Variants in SAMD13 observed in about 807,000 individuals in gnomAD.
The protein encoded by SAMD13 is sterile alpha motif domain-containing protein 13.
SAMD13 carries 9 observed loss-of-function variants against 12.4 expected under a neutral mutation model. The observed-to-expected ratio is 0.72, with a 90% confidence interval of 0.44 to 1.26. The LOEUF (loss-of-function observed/expected upper bound fraction) is 1.26. SAMD13 is among the 50% of genes most tolerant of loss of function. The probability of loss-of-function intolerance (pLI) is 0.00; values close to 1 mark genes in which losing one functional copy is unlikely to be tolerated. For synonymous variants in SAMD13, 46 were observed against 45.4 expected (o/e 1.01, Z -0.05); for missense variants, 84 against 119.6 (o/e 0.70, Z 1.39).
chr1:84,303,055 C>A, intron 1 of SAMD13, 148 bp from the exon 2 acceptor site: 1 of 603,800 alleles, frequency 1.7e-6, no homozygotes, highest in Non-Finnish European at 2.9e-6. Flanking sequence ...TCACATCTCT[C>A]CAATCGCCGA....
At chr1:84,316,262 G>A (rs1235400445) in intron 2 of SAMD13, among the ~76,000 whole-genome samples, 2 of 27,618 alleles carry the variant, frequency 7.2e-5, no homozygotes, top group South Asian at 1.3e-3. Context: ...TGTTGCCTAT[G>A]CTTTTTGGTG....
chr1:84,315,787 C>G (rs1287953921), intron 2 of SAMD13, among the ~76,000 whole-genome samples: 1 of 152,112 alleles, frequency 6.6e-6, no homozygotes, highest in African/African-American at 2.4e-5. Context: ...CTTGAGGAAT[C>G]TACAGTTCCA....
At chr1:84,309,087 A>G (rs1678648993) in intron 2 of SAMD13, among the ~76,000 whole-genome samples, 1 of 152,230 alleles carries the variant, frequency 6.6e-6, no homozygotes. Context: ...AACAGCAGTG[A>G]TAAACTATAT....
At chr1:84,317,107 A>G (rs780717693) in intron 2 of SAMD13, among the ~76,000 whole-genome samples, 20 of 151,922 alleles carry the variant, frequency 1.3e-4, no homozygotes, top group Admixed American at 2.0e-4. Flanking sequence ...TTTTTGTGGA[A>G]TCTTTAGGGT....
At position 84,349,899 on chromosome 1, in the gene SAMD13, GTTATCCTATTGGATAGACTAGGCAA is replaced by G; in HGVS notation, c.*128_*152del. 7.0e-7 allele frequency: 1 copy of G among 1,431,506 alleles called. No individual in the cohort carries two copies. Among genetic ancestry groups the G allele is most frequent in the Non-Finnish European group, 9.1e-7 (1 of 1,094,842 alleles). 88.7% of individuals were successfully genotyped at this position (1,431,506 alleles called of 1,614,324 possible). ...GTAAAGAATTTCAATCAAATGAAAC[GTTATCCTATTGGATAGACTAGGCAA>G]TTCATCAGCTCACCTGAAATCAGCC... On this transcript the variant is annotated 3_prime_UTR_variant, in exon 4 of 4. Coordinates refer to ENST00000394834, the MANE Select transcript of SAMD13 (RefSeq NM_001134663.2).
chr1:84,319,473 A>G (rs1196797894), intron 2 of SAMD13, among the ~76,000 whole-genome samples: 1 of 151,934 alleles, frequency 6.6e-6, no homozygotes, highest in African/African-American at 2.4e-5. Context: ...AATACAAAAA[A>G]TACAAAAAAT....
upstream of SAMD13, chr1:84,298,598 G>A: frequency 7.8e-7 from 1 of 1,282,698 alleles, no homozygotes; most frequent in African/African-American, 1.5e-5. Flanking sequence ...CCCAGGGCGT[G>A]GGAAGGCGCC....
chr1:84,301,219 T>C (rs563223207), upstream of SAMD13, among the ~76,000 whole-genome samples: 3 of 152,342 alleles, frequency 2.0e-5, no homozygotes, highest in South Asian at 6.2e-4. Context: ...AAGAGATTAC[T>C]TAAAAGCCAG....
In SAMD13 at chr1:84,330,519, A is replaced by G. The variant is rs1418445444; in HGVS notation, c.165+4771A>G. On this transcript the variant is annotated intron_variant, in intron 3 of 3. Coordinates refer to ENST00000394834, the MANE Select transcript of SAMD13 (RefSeq NM_001134663.2). Reference sequence around the variant, plus strand: ...CATCCTTCCCTTCCTCACAGAGAACATTTAGGATAAAGTTTGCTTTGTCAG... The same window carrying G: ...CATCCTTCCCTTCCTCACAGAGAACGTTTAGGATAAAGTTTGCTTTGTCAG... Among the ~76,000 whole-genome samples the G allele has an allele frequency of 3.9e-5, 6 of 152,294 alleles. No homozygotes were observed. The East Asian group carries it at 1.2e-3, about 29-fold the overall frequency.
chr1:84,349,689 A>T lies in SAMD13; in HGVS notation c.224A>T (p.Gln75Leu). The change falls in exon 4 of 4, where the codon CAG becomes CTG. Residue 75 changes from glutamine (Q) to leucine (L), a missense_variant. Physicochemically the swap from Gln to Leu is moderately radical, Grantham distance 113. Transcript: ENST00000394834. ...MTRNDVLTGL[Q>L]LKLGPALKIY... ...AGAAATGATGTGTTGACAGGACTTC[A>T]GTTAAAATTGGGGCCTGCTCTGAAA... is the stretch of plus-strand genomic sequence containing the variant. 2 of 1,613,954 alleles carry T rather than the reference A, an allele frequency of 1.2e-6. No homozygotes were observed. Among genetic ancestry groups the T allele is most frequent in the East Asian group, 4.5e-5 (2 of 44,858 alleles).
intron 2 of SAMD13, among the ~76,000 whole-genome samples, chr1:84,320,761 T>C (rs1483529417): frequency 6.6e-6 from 1 of 152,138 alleles, no homozygotes; most frequent in East Asian, 1.9e-4. Flanking sequence ...ATTAGCCTTA[T>C]AAAAAAAGTA....
chr1:84,346,537 T>G (rs1027440521), intron 3 of SAMD13, among the ~76,000 whole-genome samples: 14 of 152,338 alleles, frequency 9.2e-5, no homozygotes, highest in East Asian at 3.9e-4. Context: ...ATCTTGGTTT[T>G]GTTTTGTTTA....
chr1:84,337,609 G>A (rs1279273060), intron 3 of SAMD13, among the ~76,000 whole-genome samples: 1 of 152,180 alleles, frequency 6.6e-6, no homozygotes, highest in African/African-American at 2.4e-5. Context: ...GCCCTCCTGT[G>A]ATGGCAGGAG....
At chr1:84,318,455 C>CA (rs1385104505) in intron 2 of SAMD13, among the ~76,000 whole-genome samples, 1 of 151,894 alleles carries the variant, frequency 6.6e-6, no homozygotes, top group East Asian at 1.9e-4. Flanking sequence ...TTCATTCAAT[C>CA]AAAAAAGATA....
chr1:84,308,149 C>T (rs1250709254), intron 2 of SAMD13, among the ~76,000 whole-genome samples: 1 of 152,160 alleles, frequency 6.6e-6, no homozygotes, highest in Non-Finnish European at 1.5e-5. Flanking sequence ...ACCATTGCCT[C>T]ATATATTTCA....
rs549110667 is a variant in SAMD13 at position 84,333,203 on chromosome 1, G to A, written c.165+7455G>A. On this transcript the variant is annotated intron_variant, in intron 3 of 3. Transcript: ENST00000394834. The stretch of plus-strand genomic sequence containing the variant: ...CCTTCGCTGTTTGGGCTCTTTTTTG[G>A]TTCCATATGAATGTTAGAATAGTTT... Among the ~76,000 whole-genome samples the A allele has an allele frequency of 1.9e-3, 289 of 152,228 alleles. 4 individuals are homozygous for A. The highest frequency in any genetic ancestry group is 6.5e-3 in the African/African-American group (271 of 41,556).
chr1:84,315,959 T>G (rs2101797296), intron 2 of SAMD13, among the ~76,000 whole-genome samples: 1 of 152,300 alleles, frequency 6.6e-6, no homozygotes, highest in East Asian at 1.9e-4. Context: ...ATTTCCTTGA[T>G]GATTGGTGAT....
intron 2 of SAMD13, 85 bp downstream of exon 2, chr1:84,303,372 A>G: frequency 9.0e-7 from 1 of 1,107,054 alleles, no homozygotes. Context: ...CTTATCTACT[A>G]CAATACACAG....
chr1:84,335,943 G>A (rs1338033043), intron 3 of SAMD13, among the ~76,000 whole-genome samples: 1 of 152,092 alleles, frequency 6.6e-6, no homozygotes, highest in Non-Finnish European at 1.5e-5. Flanking sequence ...TCCATTTGTA[G>A]GTGACTTGCC....
Sources: allele counts gnomAD v4.1 joint callset (sites outside exome capture counted in the v4.1 genomes callset), GRCh38; gene constraint gnomAD v4.1.1; transcripts MANE v1.5; gene names NCBI Gene and HGNC (gene_info 2026-07-23, HGNC 2026-07-21).